Variants in CREB3L2 observed in about 807,000 individuals in gnomAD.
CREB3L2 encodes cyclic AMP-responsive element-binding protein 3-like protein 2.
Under a neutral mutation model 57.2 loss-of-function variants are expected in CREB3L2, and 23 were observed. The observed-to-expected ratio is 0.40, with a 90% CI of 0.29 to 0.57. CREB3L2 has a LOEUF of 0.57. CREB3L2 is among the 20% of genes least tolerant of loss of function. The pLI is 0.42. For missense variants in CREB3L2, 628 were observed against 634.7 expected (o/e 0.99, Z 0.11); for synonymous variants, 268 against 265.1 (o/e 1.01, Z -0.11).
At position 137,919,748 on chromosome 7, in the gene CREB3L2, T is replaced by A. The variant is rs941042690; in HGVS notation, c.320-3736A>T. 5.9e-5 allele frequency among the ~76,000 whole-genome samples: 9 copies of A among 152,340 alleles called. 1 individual carries two copies. In the South Asian group the frequency reaches 1.9e-3, roughly 32 times the overall value. ...TATGCAGACATTAATATTACATGTA[T>A]ACAGCCTTTTTAATTACAAAGAAAA... On this transcript the variant is annotated intron_variant, in intron 2 of 11. Transcript: ENST00000330387.
chr7:137,908,603 G>A (rs966808813), intron 4 of CREB3L2, among the ~76,000 whole-genome samples, 167 bp from the exon 5 acceptor site: 1 of 152,166 alleles, frequency 6.6e-6, no homozygotes, highest in Non-Finnish European at 1.5e-5. Context: ...TGAAAAAGGA[G>A]AGAAAGAGGA....
chr7:137,911,119 G>A (rs937477342), intron 4 of CREB3L2, among the ~76,000 whole-genome samples: 3 of 152,168 alleles, frequency 2.0e-5, no homozygotes, highest in Non-Finnish European at 4.4e-5. Flanking sequence ...AGTAATAACT[G>A]GTGTTATACA....
chr7:137,929,961 G>A (rs923231641), intron 1 of CREB3L2, among the ~76,000 whole-genome samples: 4 of 150,548 alleles, frequency 2.7e-5, no homozygotes, highest in Non-Finnish European at 4.4e-5. Flanking sequence ...GCAATGGCGC[G>A]ATCTCCACTG....
chr7:137,948,797 G>A (rs565364427), intron 1 of CREB3L2, among the ~76,000 whole-genome samples: 2 of 152,096 alleles, frequency 1.3e-5, no homozygotes, highest in Admixed American at 6.5e-5. Flanking sequence ...GCTCCAAGAA[G>A]GTATATCAGA....
intron 1 of CREB3L2, among the ~76,000 whole-genome samples, chr7:137,939,261 G>C (rs552953355): frequency 2.3e-4 from 35 of 152,234 alleles, no homozygotes; most frequent in African/African-American, 8.4e-4. Flanking sequence ...CTCACAAGAC[G>C]GAGAATTATC....
chr7:137,885,498 G>C lies in CREB3L2; in HGVS notation c.1048C>G (p.Leu350Val). ...VEVLENTNRT[L>V]LQQLQKLQTL... ...TGAAGCTTCTGGAGTTGCTGAAGGAGAGTCCTGCCAATGATAACAACAGCC... is the reference window on the plus strand; with the variant it reads ...TGAAGCTTCTGGAGTTGCTGAAGGACAGTCCTGCCAATGATAACAACAGCC... The change falls in exon 9 of 12, where the codon CTC (leucine) becomes GTC (valine). Residue 350 changes from leucine (L) to valine (V), a missense_variant. By Grantham distance (32) the Leu-to-Val change is conservative. Coordinates refer to ENST00000330387, the MANE Select transcript of CREB3L2 (RefSeq NM_194071.4). 1 of 1,612,882 alleles carries C rather than the reference G, an allele frequency of 6.2e-7. No individual in the cohort carries two copies. The highest frequency in any genetic ancestry group is 1.1e-5 in the South Asian group (1 of 91,054).
At chr7:137,894,445 G>A (rs746517176) in intron 8 of CREB3L2, among the ~76,000 whole-genome samples, 8 of 152,160 alleles carry the variant, frequency 5.3e-5, no homozygotes, top group African/African-American at 1.4e-4. Context: ...GAAGGATGTC[G>A]TGCACACACC....
intron 1 of CREB3L2, among the ~76,000 whole-genome samples, chr7:137,963,073 C>T (rs908156694): frequency 6.6e-6 from 1 of 152,226 alleles, no homozygotes; most frequent in South Asian, 2.1e-4. Context: ...CTTCATCTCA[C>T]TCAACCAGCC....
chr7:137,897,154 T>C (rs935683598), intron 8 of CREB3L2, among the ~76,000 whole-genome samples: 6 of 152,236 alleles, frequency 3.9e-5, no homozygotes, highest in African/African-American at 7.2e-5. Flanking sequence ...ATCAGCCTGA[T>C]TGTGATAATC....
intron 1 of CREB3L2, chr7:137,953,446 G>A (rs1801141453): frequency 7.8e-7 from 1 of 1,284,966 alleles, no homozygotes; most frequent in South Asian, 1.2e-5. Context: ...CAGTATCTGA[G>A]ACCTGCTGTT....
chr7:137,979,015 C>T (rs74785574), intron 1 of CREB3L2, among the ~76,000 whole-genome samples: 1,558 of 152,226 alleles, frequency 0.01, 29 homozygotes, highest in African/African-American at 0.035. Context: ...AGACTCACAA[C>T]GAGAGCAGTA....
intron 1 of CREB3L2, among the ~76,000 whole-genome samples, chr7:137,985,367 G>A (rs940565640): frequency 1.3e-5 from 2 of 152,272 alleles, no homozygotes; most frequent in East Asian, 1.9e-4. Flanking sequence ...GCCAGGGGTC[G>A]GAGGAAGAAC....
At chr7:137,911,139 A>C (rs1042374425) in intron 4 of CREB3L2, among the ~76,000 whole-genome samples, 2 of 152,232 alleles carry the variant, frequency 1.3e-5, no homozygotes, top group African/African-American at 4.8e-5. Flanking sequence ...AAACGAAAGC[A>C]ATTACTTTGA....
chr7:137,901,874 CAAAAAAA>C (rs59855306), intron 7 of CREB3L2, among the ~76,000 whole-genome samples: 2 of 57,832 alleles, frequency 3.5e-5, no homozygotes, highest in Non-Finnish European at 6.4e-5. Flanking sequence ...AGATCTGTCT[CAAAAAAA>C]AAAAAAAAAA....
chr7:137,966,978 T>C (rs1801418022), intron 1 of CREB3L2, among the ~76,000 whole-genome samples: 1 of 152,204 alleles, frequency 6.6e-6, no homozygotes, highest in African/African-American at 2.4e-5. Flanking sequence ...GAGGTTTACA[T>C]GACGTCATGA....
chr7:137,910,530 G>T (rs1799983582), intron 4 of CREB3L2, among the ~76,000 whole-genome samples: 1 of 152,060 alleles, frequency 6.6e-6, no homozygotes, highest in Admixed American at 6.5e-5. Context: ...TTTCTCGAAT[G>T]CCATGAATAT....
intron 1 of CREB3L2, among the ~76,000 whole-genome samples, chr7:137,960,434 G>A (rs757114258): frequency 2.2e-4 from 34 of 152,016 alleles, no homozygotes; most frequent in Non-Finnish European, 3.4e-4. Flanking sequence ...GGGGGGTGGG[G>A]AGAGAGAAAA....
chr7:137,883,663 T>C (rs1388075001), intron 10 of CREB3L2, among the ~76,000 whole-genome samples: 1 of 152,224 alleles, frequency 6.6e-6, no homozygotes, highest in Non-Finnish European at 1.5e-5. Context: ...TCAAAATTTC[T>C]TATGGTGGTG....
chr7:137,896,365 G>C (rs1585600782), intron 8 of CREB3L2, among the ~76,000 whole-genome samples: 1 of 151,960 alleles, frequency 6.6e-6, no homozygotes, highest in East Asian at 1.9e-4. Context: ...GCAATGGCGT[G>C]ATCTCGGCTC....
Sources: gnomAD v4.1 joint callset for allele counts (sites outside exome capture counted in the v4.1 genomes callset) on GRCh38, gnomAD v4.1.1 for gene constraint, MANE v1.5 for transcripts, NCBI Gene and HGNC (gene_info 2026-07-23, HGNC 2026-07-21) for gene names.